Variants in ARSG observed in about 807,000 individuals in gnomAD.
ARSG encodes ASG.
A neutral mutation model predicts 50.5 loss-of-function variants in ARSG; 37 were observed. The observed-to-expected ratio is 0.73, with a 90% confidence interval of 0.56 to 0.96. ARSG has a LOEUF of 0.96. ARSG is among the 50% of genes least tolerant of loss of function. ARSG has a pLI of 0.00. For missense variants in ARSG, 629 were observed against 675.3 expected, an observed-to-expected ratio of 0.93 and a Z score of 0.76; for synonymous variants, 225 against 254.6, an observed-to-expected ratio of 0.88 and a Z score of 1.11.
At chr17:68,435,380 C>T in the ARSG span, among the ~76,000 whole-genome samples, 2 of 152,186 alleles carry the variant, frequency 1.3e-5, no homozygotes, top group Non-Finnish European at 2.9e-5. Context: ...CATAAGACCA[C>T]GAGTTTTCAT....
chr17:68,309,886 AAAT>A (rs1568449436), intron 2 of ARSG, among the ~76,000 whole-genome samples: 2 of 151,318 alleles, frequency 1.3e-5, no homozygotes, highest in Admixed American at 6.6e-5. Flanking sequence ...ATAAAAAAGT[AAAT>A]AAATAAAGAA....
Position 68,321,419 on chromosome 17 carries a change from T to C in ARSG, c.218+13708T>C, listed in dbSNP as rs1306644087. On this transcript the variant is annotated intron_variant, in intron 2 of 11. Coordinates refer to ENST00000621439, the MANE Select transcript of ARSG (RefSeq NM_001267727.2). Reference sequence around the variant, plus strand: ...GCTGAGCTGGTTCTCTGAGTTTTATTTCAGCTACTTTCCAGTTCCCATCTC... The same window carrying C: ...GCTGAGCTGGTTCTCTGAGTTTTATCTCAGCTACTTTCCAGTTCCCATCTC... Among the ~76,000 whole-genome samples, 8 of 152,144 alleles carry C rather than the reference T, an allele frequency of 5.3e-5. 1 individual carries two copies. Among genetic ancestry groups the C allele is most frequent in the Non-Finnish European group, 8.8e-5 (6 of 68,036 alleles).
At chr17:68,272,160 T>A (rs183647304) in intron 1 of ARSG, among the ~76,000 whole-genome samples, 3 of 152,236 alleles carry the variant, frequency 2.0e-5, no homozygotes, top group African/African-American at 7.2e-5. Context: ...CTGGTCTCGA[T>A]CACCTGACCT....
chr17:68,437,564 AAAAG>A, the ARSG span, among the ~76,000 whole-genome samples: 1 of 152,138 alleles, frequency 6.6e-6, no homozygotes, highest in African/African-American at 2.4e-5. Context: ...GAAAAAAAAA[AAAAG>A]AAACCGAGCA....
intron 2 of ARSG, among the ~76,000 whole-genome samples, chr17:68,317,743 A>G (rs563099061): frequency 1.3e-4 from 20 of 152,354 alleles, no homozygotes; most frequent in Non-Finnish European, 2.2e-4. Context: ...TAGCCAGAAG[A>G]TAATTGAAAT....
At chr17:68,331,258 TTTC>T (rs1313472482) in intron 2 of ARSG, among the ~76,000 whole-genome samples, 2 of 135,680 alleles carry the variant, frequency 1.5e-5, no homozygotes, top group East Asian at 2.1e-4. Flanking sequence ...TCTTTCTTTC[TTTC>T]TTTTTTTGAG....
chr17:68,319,282 G>T (rs16972881), intron 2 of ARSG, among the ~76,000 whole-genome samples: 24,455 of 152,186 alleles, frequency 0.16, 3,293 homozygotes, highest in African/African-American at 0.37. Flanking sequence ...ATCCCCTAGA[G>T]GCCAGCTTTG....
chr17:68,276,425 T>C (rs2075523465), intron 1 of ARSG, among the ~76,000 whole-genome samples: 1 of 152,108 alleles, frequency 6.6e-6, no homozygotes, highest in South Asian at 2.1e-4. Context: ...TAGGGAAGTT[T>C]AAGGTCAGCC....
At chr17:68,285,935 A>G (rs1457598515) in intron 1 of ARSG, among the ~76,000 whole-genome samples, 1 of 151,930 alleles carries the variant, frequency 6.6e-6, no homozygotes, top group Non-Finnish European at 1.5e-5. Context: ...AATTTGTTGT[A>G]TTTTTAGTAG....
downstream of ARSG, among the ~76,000 whole-genome samples, chr17:68,423,343 G>A (rs1233478755): frequency 1.3e-5 from 2 of 152,156 alleles, no homozygotes; most frequent in Non-Finnish European, 2.9e-5. The surrounding 1 kb of genome is among the most constrained non-coding windows in gnomAD (Gnocchi z 4.4). Flanking sequence ...CATGCCTCTG[G>A]TCCTTACATG....
intron 11 of ARSG, chr17:68,413,849 A>C (rs1459937388): frequency 6.5e-6 from 1 of 152,888 alleles, no homozygotes; most frequent in Non-Finnish European, 1.5e-5. Flanking sequence ...GGAAAAGCGC[A>C]GTATTCGGGT....
intron 8 of ARSG, among the ~76,000 whole-genome samples, chr17:68,372,255 TTCTA>T (rs911008271): frequency 3.3e-5 from 5 of 152,126 alleles, no homozygotes; most frequent in African/African-American, 1.2e-4. Flanking sequence ...TGTCTGCCAG[TTCTA>T]TCTAACTGTC....
chr17:68,396,018 T>G (rs1600083188), intron 10 of ARSG, among the ~76,000 whole-genome samples: 1 of 151,074 alleles, frequency 6.6e-6, no homozygotes, highest in Admixed American at 6.6e-5. Flanking sequence ...TTTTTTTGTT[T>G]TTTTTTTTGA....
At chr17:68,440,905 T>C in the ARSG span, 1 of 152,240 alleles carries the variant, frequency 6.6e-6, no homozygotes, top group Non-Finnish European at 1.5e-5. Context: ...TTTTCAAAAA[T>C]AGAAAGACAT....
chr17:68,395,409 GA>G (rs1483722937), intron 10 of ARSG, among the ~76,000 whole-genome samples: 1 of 152,206 alleles, frequency 6.6e-6, no homozygotes, highest in African/African-American at 2.4e-5. Context: ...CCAAGATGGT[GA>G]AACCTCACCT....
At chr17:68,305,533 G>A (rs2076574042) in intron 1 of ARSG, among the ~76,000 whole-genome samples, 1 of 152,104 alleles carries the variant, frequency 6.6e-6, no homozygotes, top group Non-Finnish European at 1.5e-5. Flanking sequence ...ACCTCCATGT[G>A]TAAGATGCAC....
intron 8 of ARSG, 106 bp from the exon 9 acceptor site, chr17:68,384,958 G>T: frequency 2.4e-6 from 2 of 831,770 alleles, no homozygotes; most frequent in Non-Finnish European, 4.0e-6. Context: ...CTTTGTTGGG[G>T]TTATTGGAAA....
chr17:68,343,164 T>G (rs2078346671), intron 2 of ARSG, among the ~76,000 whole-genome samples: 1 of 152,152 alleles, frequency 6.6e-6, no homozygotes, highest in Non-Finnish European at 1.5e-5. Flanking sequence ...TTTGTTTTGT[T>G]TTCTTTTTTG....
chr17:68,295,517 A>C (rs76285264), intron 1 of ARSG, among the ~76,000 whole-genome samples: 2,187 of 152,042 alleles, frequency 0.014, 22 homozygotes, highest in Non-Finnish European at 0.025. Context: ...GGCTTCTATA[A>C]ATTATCTCAA....
Sources: allele counts gnomAD v4.1 joint callset (sites outside exome capture counted in the v4.1 genomes callset), GRCh38; gene constraint gnomAD v4.1.1; non-coding constraint Gnocchi (gnomAD v3.1); transcripts MANE v1.5; gene names NCBI Gene and HGNC (gene_info 2026-07-23, HGNC 2026-07-21).